ZNF185: variants seen among roughly 807,000 people sequenced by gnomAD.
ZNF185 encodes the protein zinc finger protein 185.
ZNF185 carries 56 observed loss-of-function variants against 58.6 expected under a neutral mutation model. The ratio of observed to expected loss-of-function variants is 0.95; its 90% CI spans 0.77 to 1.19. The LOEUF is 1.19. Ranked by LOEUF, ZNF185 falls within the 50% of genes most tolerant of loss-of-function variation. ZNF185 has a pLI of 0.00. For synonymous variants in ZNF185, 230 were observed against 215.9 expected (o/e 1.07, Z -0.57); for missense variants, 627 against 573.5 (o/e 1.09, Z -0.95).
rs953980408 is a variant in ZNF185 at position 152,965,434 on chromosome X, G to C, written c.1719-13G>C. Reference sequence around the variant, plus strand: ...CTGGTGTACCTCTGATTTCTTCTGTGCTCCTTCTACAGCAAAGGGATTCTC... The same window carrying C: ...CTGGTGTACCTCTGATTTCTTCTGTCCTCCTTCTACAGCAAAGGGATTCTC... On this transcript the variant is annotated splice_polypyrimidine_tract_variant and intron_variant, in intron 18 of 22. Coordinates refer to ENST00000449285, the Ensembl canonical transcript of ZNF185. 1 of 1,168,901 alleles carries C rather than the reference G, an allele frequency of 8.6e-7. No individual in the cohort carries two copies. Among genetic ancestry groups the C allele is most frequent in the African/African-American group, 1.8e-5 (1 of 56,732 alleles).
chrX:152,950,524 A>G (rs1327604501), intron 16 of ZNF185, among the ~76,000 whole-genome samples: 6 of 111,982 alleles, frequency 5.4e-5, no homozygotes, highest in Admixed American at 9.5e-5. Flanking sequence ...TAAAATATTT[A>G]TATTAAGGAC....
chrX:152,919,350 G>A (rs782402757), intron 7 of ZNF185, among the ~76,000 whole-genome samples: 1 of 110,822 alleles, frequency 9.0e-6, no homozygotes, highest in Non-Finnish European at 1.9e-5. Flanking sequence ...CTCATGTGGA[G>A]GCTCTTCAGG....
the ZNF185 span, among the ~76,000 whole-genome samples, chrX:152,902,184 C>G: frequency 3.6e-4 from 41 of 112,657 alleles, no homozygotes; most frequent in African/African-American, 1.2e-3. Flanking sequence ...GAAGCCACGC[C>G]CTGGGTCAGA....
At chrX:152,917,868 C>A in intron 5 of ZNF185, 197 bp from the exon 7 acceptor site, 1 of 1,080,154 alleles carries the variant, frequency 9.3e-7, no homozygotes, top group Non-Finnish European at 1.2e-6. Context: ...CTGGGCTGTT[C>A]CCTGAAGCTC....
chrX:152,938,985 G>C (rs184457920), intron 15 of ZNF185, among the ~76,000 whole-genome samples: 2 of 110,296 alleles, frequency 1.8e-5, no homozygotes, highest in African/African-American at 6.5e-5. Flanking sequence ...AACTAACCCT[G>C]AGGTGGGAAC....
intron 16 of ZNF185, among the ~76,000 whole-genome samples, chrX:152,959,476 G>C (rs782320939): frequency 8.9e-6 from 1 of 112,395 alleles, no homozygotes; most frequent in South Asian, 3.7e-4. Flanking sequence ...GAAGTCGTCA[G>C]GTGACTTTGC....
At chrX:152,900,920 G>A in the ZNF185 span, among the ~76,000 whole-genome samples, 2 of 112,542 alleles carry the variant, frequency 1.8e-5, no homozygotes, top group South Asian at 7.2e-4. Flanking sequence ...GGTGGCTAAA[G>A]CCAGGAGCAC....
At chrX:152,906,580 C>A in the ZNF185 span, among the ~76,000 whole-genome samples, 1 of 113,071 alleles carries the variant, frequency 8.8e-6, no homozygotes, top group African/African-American at 3.2e-5. Context: ...CTGTGTCCCC[C>A]TTCTTGCCCT....
chrX:152,959,670 C>T (rs782134096), intron 16 of ZNF185, 29 bp from the exon 19 acceptor site: 8 of 1,188,077 alleles, frequency 6.7e-6, no homozygotes, highest in Non-Finnish European at 9.1e-6. Flanking sequence ...TCAGGGCACT[C>T]ACTTCATAAG....
At chrX:152,900,707 C>T in the ZNF185 span, among the ~76,000 whole-genome samples, 2 of 112,386 alleles carry the variant, frequency 1.8e-5, no homozygotes, top group African/African-American at 3.2e-5. Flanking sequence ...TTCCAAAGGC[C>T]GGGAAGAGGA....
At chrX:152,927,466 C>T (rs5970395) in intron 11 of ZNF185, among the ~76,000 whole-genome samples, 45,290 of 110,146 alleles carry the variant, frequency 0.41, 6,875 homozygotes, top group East Asian at 0.5. Context: ...CATCCCCTAC[C>T]CCTCCTGGGA....
intron 12 of ZNF185, among the ~76,000 whole-genome samples, chrX:152,930,712 G>A (rs1219450928): frequency 1.8e-5 from 2 of 111,556 alleles, no homozygotes; most frequent in Non-Finnish European, 3.8e-5. Flanking sequence ...AGAAAAAGGC[G>A]GAGACCAGGA....
rs782327660 is a variant in ZNF185 at position 152,914,530 on chromosome X, C to T, written c.34+7C>T. On this transcript the variant is annotated splice_region_variant and intron_variant, in intron 1 of 22. Transcript: ENST00000449285. ...CTTGGAGGCCGCACCAAAGGTGAGG[C>T]CTGGGCTCCCTGGTTTCCCAGGCTC... 3.4e-6 allele frequency: 4 copies of T among 1,171,725 alleles called. No homozygotes were observed. The African/African-American group carries it at 7.1e-5, about 21-fold the overall frequency.
chrX:152,932,309 T>C (rs1432754114), intron 13 of ZNF185, among the ~76,000 whole-genome samples: 1 of 112,065 alleles, frequency 8.9e-6, no homozygotes, highest in Non-Finnish European at 1.9e-5. Context: ...GGACGGGAAG[T>C]TGGAGCCATA....
At chrX:152,951,566 TTA>T (rs59430274) in intron 16 of ZNF185, among the ~76,000 whole-genome samples, 1 of 110,042 alleles carries the variant, frequency 9.1e-6, no homozygotes, top group Admixed American at 9.7e-5. Flanking sequence ...TTTTAGCAGT[TTA>T]TATATATATA....
the ZNF185 span, among the ~76,000 whole-genome samples, chrX:152,904,672 G>C: frequency 0.024 from 2,681 of 112,094 alleles, 69 homozygotes; most frequent in African/African-American, 0.081. Context: ...GGGTGGAGGT[G>C]GTGCTTCCTG....
chrX:152,917,400 A>C (rs782194332), intron 5 of ZNF185, 38 bp downstream of exon 6: 3 of 1,190,681 alleles, frequency 2.5e-6, no homozygotes, highest in Non-Finnish European at 3.4e-6. Flanking sequence ...GCCAGTGGGG[A>C]GGTGTGAGGG....
chrX:152,939,788 T>TG (rs1431991538), intron 15 of ZNF185, among the ~76,000 whole-genome samples: 2 of 97,878 alleles, frequency 2.0e-5, no homozygotes, highest in Non-Finnish European at 4.1e-5. Context: ...TTTTTTTTTT[T>TG]TTTTTTTTTT....
At chrX:152,958,161 T>C (rs782650948) in intron 16 of ZNF185, among the ~76,000 whole-genome samples, 1 of 112,370 alleles carries the variant, frequency 8.9e-6, no homozygotes, top group Non-Finnish European at 1.9e-5. Flanking sequence ...GGGCGTAATG[T>C]GTAACCCAGA....
Sources: allele counts gnomAD v4.1 joint callset (sites outside exome capture counted in the v4.1 genomes callset), GRCh38; gene constraint gnomAD v4.1.1; transcripts MANE v1.5; gene names NCBI Gene and HGNC (gene_info 2026-07-23, HGNC 2026-07-21).